LMBRD1: variants seen among roughly 807,000 people sequenced by gnomAD.
LMBRD1 encodes the protein lysosomal cobalamin transport escort protein LMBD1.
Under a neutral mutation model 74.8 loss-of-function variants are expected in LMBRD1, and 64 were observed. The ratio of observed to expected loss-of-function variants is 0.86; its 90% CI spans 0.70 to 1.05. The LOEUF (loss-of-function observed/expected upper bound fraction) is 1.05, where lower values mean the gene tolerates loss of function less well. Ranked by LOEUF, LMBRD1 falls within the 50% of genes least tolerant of loss-of-function variation. LMBRD1 has a pLI of 0.00. For synonymous variants in LMBRD1, 204 were observed against 216.3 expected, an observed-to-expected ratio of 0.94 and a Z score of 0.50; for missense variants, 652 against 645.9, an observed-to-expected ratio of 1.01 and a Z score of -0.10.
chr6:69,721,038 G>A (rs1411125258), intron 7 of LMBRD1, among the ~76,000 whole-genome samples: 2 of 152,178 alleles, frequency 1.3e-5, no homozygotes, highest in East Asian at 1.9e-4. Flanking sequence ...ATGCATAGAA[G>A]GAACATTTGC....
chr6:69,726,303 C>G (rs941971759), intron 7 of LMBRD1, among the ~76,000 whole-genome samples: 5 of 152,130 alleles, frequency 3.3e-5, no homozygotes, highest in African/African-American at 1.2e-4. Flanking sequence ...ACAACCACTA[C>G]AGAGAATAGT....
intron 3 of LMBRD1, among the ~76,000 whole-genome samples, chr6:69,765,344 A>G (rs965745363): frequency 1.3e-5 from 2 of 152,148 alleles, no homozygotes; most frequent in Non-Finnish European, 2.9e-5. Flanking sequence ...TAATAGTCCA[A>G]CTTTCCCAGC....
intron 14 of LMBRD1, among the ~76,000 whole-genome samples, chr6:69,686,217 CT>C: frequency 6.6e-6 from 1 of 152,226 alleles, no homozygotes; most frequent in African/African-American, 2.4e-5. Context: ...AGGCAAAGTT[CT>C]TTATATTAGT....
intron 5 of LMBRD1, among the ~76,000 whole-genome samples, chr6:69,744,281 C>CA (rs1346461849): frequency 5.3e-5 from 8 of 152,030 alleles, no homozygotes; most frequent in African/African-American, 1.7e-4. Flanking sequence ...TAGATTAAGC[C>CA]ATTTATGCCT....
At chr6:69,773,297 C>A (rs1356889239) in intron 3 of LMBRD1, among the ~76,000 whole-genome samples, 1 of 152,106 alleles carries the variant, frequency 6.6e-6, no homozygotes, top group Non-Finnish European at 1.5e-5. Context: ...AAGGCCCTTA[C>A]CAAATGCCAG....
rs541360816 is a variant in LMBRD1 at position 69,699,156 on chromosome 6, C to T, written c.1225G>A (p.Ala409Thr). The T allele has an allele frequency of 8.7e-6, 14 of 1,611,744 alleles. No homozygotes were observed. In the African/African-American group the frequency reaches 1.7e-4, roughly 20 times the overall value. Residue 409 changes from alanine to threonine, a missense_variant, in exon 13 of 16, where the codon GCA becomes ACA. By Grantham distance (58) the Ala-to-Thr change is moderately conservative. Around this residue, in one of 3 missense-constraint regions of LMBRD1, gnomAD observed 598 missense variants for 581.8 expected, o/e 1.03. Coordinates refer to ENST00000649934, the MANE Select transcript of LMBRD1 (RefSeq NM_018368.4). ...KIRRGRTRPQ[A>T]LLFLCMILLL... is the part of the protein sequence containing the mutation. ...AGTATCATGCAGAGAAAAAGGAGTG[C>T]TTGGGGCCTGGTTCTACCTCTTCTG...
chr6:69,725,133 A>G (rs1242097043), intron 7 of LMBRD1, among the ~76,000 whole-genome samples: 1 of 152,142 alleles, frequency 6.6e-6, no homozygotes, highest in African/African-American at 2.4e-5. Context: ...AAATAAAATT[A>G]AATAACTAGG....
intron 3 of LMBRD1, among the ~76,000 whole-genome samples, chr6:69,768,255 T>C (rs1765508980): frequency 1.3e-5 from 2 of 152,040 alleles, no homozygotes; most frequent in East Asian, 3.9e-4. Context: ...TGTTCCAGGC[T>C]TCTCCTTTAC....
chr6:69,677,513 G>C (rs1182558991), intron 14 of LMBRD1, among the ~76,000 whole-genome samples: 1 of 152,080 alleles, frequency 6.6e-6, no homozygotes, highest in Non-Finnish European at 1.5e-5. Context: ...AGAGAAAGGG[G>C]AACAGAAGAA....
At chr6:69,716,396 T>G (rs9354882) in intron 8 of LMBRD1, among the ~76,000 whole-genome samples, 56,066 of 152,082 alleles carry the variant, frequency 0.37, 10,809 homozygotes, top group East Asian at 0.54. Flanking sequence ...TCATATGATT[T>G]TTTGGCCACA....
intron 6 of LMBRD1, among the ~76,000 whole-genome samples, chr6:69,738,967 T>C (rs1767035999): frequency 6.6e-6 from 1 of 152,134 alleles, no homozygotes; most frequent in Admixed American, 6.5e-5. Context: ...AGAAGGCATA[T>C]TATTAACAAA....
At position 69,713,699 on chromosome 6, in the gene LMBRD1, T is replaced by C; in HGVS notation, c.861A>G (p.Glu287=). ...TTGTCCACCAGCTGTTTTCAATGAA[T>C]TCTAAATGCCTCTCTCTCTTCTTAA... ...RTLKKRERHL[E]FIENSWWTKF... is the part of the protein sequence containing the mutation. The change falls in exon 9 of 16, where the codon GAA becomes GAG. Residue 287 remains glutamate, a synonymous_variant. Coordinates refer to ENST00000649934, the MANE Select transcript of LMBRD1 (RefSeq NM_018368.4). 1 of 1,613,750 alleles carries C rather than the reference T, an allele frequency of 6.2e-7. No homozygotes were observed. Among genetic ancestry groups the C allele is most frequent in the Non-Finnish European group, 8.5e-7 (1 of 1,179,724 alleles).
chr6:69,766,666 T>C (rs757152470), intron 3 of LMBRD1, among the ~76,000 whole-genome samples: 11 of 151,828 alleles, frequency 7.2e-5, no homozygotes, highest in Admixed American at 3.9e-4. Context: ...CTCAAGTGAG[T>C]TGGGAAGTGT....
intron 5 of LMBRD1, among the ~76,000 whole-genome samples, chr6:69,748,156 T>C: frequency 6.6e-6 from 1 of 152,230 alleles, no homozygotes; most frequent in East Asian, 1.9e-4. Flanking sequence ...TTATGTATTG[T>C]CTATGATTAC....
intron 2 of LMBRD1, 135 bp downstream of exon 2, chr6:69,790,161 C>A: frequency 1.5e-6 from 1 of 682,914 alleles, no homozygotes; most frequent in Non-Finnish European, 2.6e-6. Flanking sequence ...TTAGATGTCA[C>A]ATTCTCAGCT....
chr6:69,676,145 A>G lies in LMBRD1; in HGVS notation c.*13T>C, dbSNP rs768404648. ...TTCAGTCAGCATTATAAAACCTTTA[A>G]GACAGAAGGCTGTCAAGCAGAATAG... On this transcript the variant is annotated 3_prime_UTR_variant, in exon 16 of 16. Transcript: ENST00000649934. 5.2e-5 allele frequency: 83 copies of G among 1,592,904 alleles called. 1 individual carries two copies. The highest frequency in any genetic ancestry group is 7.8e-6 in the Non-Finnish European group (9 of 1,161,176).
chr6:69,771,856 T>C (rs1765583734), intron 3 of LMBRD1, among the ~76,000 whole-genome samples: 1 of 147,534 alleles, frequency 6.8e-6, no homozygotes, highest in South Asian at 2.2e-4. Flanking sequence ...CAATGGTGTC[T>C]TAGACAGGAT....
At chr6:69,741,146 CAT>C (rs1385134681) in intron 6 of LMBRD1, among the ~76,000 whole-genome samples, 2 of 151,986 alleles carry the variant, frequency 1.3e-5, no homozygotes, top group Non-Finnish European at 2.9e-5. Flanking sequence ...ATTTCTTTAA[CAT>C]ATTATTTTAT....
Position 69,676,174 on chromosome 6 carries a change from G to A in LMBRD1, c.1607C>T (p.Ser536Phe), listed in dbSNP as rs1369030632. 1 of 1,612,726 alleles carries A rather than the reference G, an allele frequency of 6.2e-7. No individual in the cohort carries two copies. The highest frequency in any genetic ancestry group is 8.5e-7 in the Non-Finnish European group (1 of 1,179,138). Residue 536 changes from serine (S) to phenylalanine (F), a missense_variant, in exon 16 of 16, where the codon TCT becomes TTT. Coordinates refer to ENST00000649934, the MANE Select transcript of LMBRD1 (RefSeq NM_018368.4). ...EDSDISDDEP[S>F]VYSA ...AGAAGGCTGTCAAGCAGAATAGACAGAGGGCTCATCATCACTTATGTCTGA... is the reference window on the plus strand; with the variant it reads ...AGAAGGCTGTCAAGCAGAATAGACAAAGGGCTCATCATCACTTATGTCTGA...
Sources: allele counts gnomAD v4.1 joint callset (sites outside exome capture counted in the v4.1 genomes callset), GRCh38; gene constraint gnomAD v4.1.1; regional missense constraint gnomAD v4.1.1; transcripts MANE v1.5; gene names NCBI Gene and HGNC (gene_info 2026-07-23, HGNC 2026-07-21).